Variants in CPEB3 observed in about 807,000 individuals in gnomAD.
The protein encoded by CPEB3 is cytoplasmic polyadenylation element-binding protein 3.
A neutral mutation model predicts 67.2 loss-of-function variants in CPEB3; 20 were observed. The ratio of observed to expected loss-of-function variants is 0.30; its 90% CI spans 0.21 to 0.43. The LOEUF (loss-of-function observed/expected upper bound fraction) is 0.43. CPEB3 is among the 20% of genes least tolerant of loss of function. The pLI is 1.00. For missense variants in CPEB3, 746 were observed against 968.6 expected (o/e 0.77, Z 3.05); for synonymous variants, 376 against 393.1 (o/e 0.96, Z 0.51).
At chr10:92,223,366 T>C (rs951231468) in intron 2 of CPEB3, among the ~76,000 whole-genome samples, 1 of 152,142 alleles carries the variant, frequency 6.6e-6, no homozygotes, top group Admixed American at 6.6e-5. Context: ...CTTTCCTTTC[T>C]AAAATTCCTC....
chr10:92,067,914 G>C (rs1266910374), intron 9 of CPEB3, among the ~76,000 whole-genome samples: 6 of 152,188 alleles, frequency 3.9e-5, no homozygotes, highest in Non-Finnish European at 5.9e-5. Context: ...CAAACCCACA[G>C]TTATTAATTT....
Position 92,240,056 on chromosome 10 carries a change from G to C in CPEB3, c.295C>G (p.Pro99Ala), listed in dbSNP as rs374878960. 6.3e-7 allele frequency: 1 copy of C among 1,594,914 alleles called. No individual in the cohort carries two copies. The highest frequency in any genetic ancestry group is 8.5e-7 in the Non-Finnish European group (1 of 1,170,816). ...AAGGACGGCGACAGCGACGCGCCCG[G>C]TGCCGCGGGCTCCTGAGGCGGCGGC... ...QPPPPQEPAA[P>A]GASLSPSFGS... is the part of the protein sequence containing the mutation. The change falls in exon 2 of 10, where the codon CCG (proline) becomes GCG (alanine). Residue 99 changes from proline to alanine, a missense_variant. Coordinates refer to ENST00000265997, the MANE Select transcript of CPEB3 (RefSeq NM_014912.5).
intron 2 of CPEB3, among the ~76,000 whole-genome samples, chr10:92,215,314 A>T (rs1202659512): frequency 2.7e-5 from 4 of 149,664 alleles, no homozygotes; most frequent in Non-Finnish European, 5.9e-5. Flanking sequence ...CACTACACCC[A>T]GCTAATTTTT....
chr10:92,079,300 C>A (rs745812153), intron 9 of CPEB3, among the ~76,000 whole-genome samples: 1 of 152,128 alleles, frequency 6.6e-6, no homozygotes, highest in Admixed American at 6.5e-5. Context: ...ATGACTAAAT[C>A]GAGCAATGGG....
At chr10:92,235,267 G>A (rs905473078) in intron 2 of CPEB3, among the ~76,000 whole-genome samples, 3 of 152,136 alleles carry the variant, frequency 2.0e-5, no homozygotes, top group South Asian at 4.1e-4. Context: ...CTAATAGGGC[G>A]AAATTCCATC....
At chr10:92,095,601 T>TA (rs1491405800) in intron 7 of CPEB3, among the ~76,000 whole-genome samples, 18,082 of 87,128 alleles carry the variant, frequency 0.21, 1,355 homozygotes, top group Middle Eastern at 0.28. Context: ...TATATATATA[T>TA]TTTTTTTTTT....
At chr10:92,205,930 A>G (rs1849765398) in intron 2 of CPEB3, among the ~76,000 whole-genome samples, 1 of 152,210 alleles carries the variant, frequency 6.6e-6, no homozygotes, top group Non-Finnish European at 1.5e-5. Flanking sequence ...ATGTTAATAA[A>G]GCATCTAAAA....
intron 4 of CPEB3, among the ~76,000 whole-genome samples, chr10:92,177,521 G>T (rs1848275724): frequency 6.6e-6 from 1 of 152,138 alleles, no homozygotes; most frequent in African/African-American, 2.4e-5. Context: ...TAGATTCATG[G>T]TCTTGAACAG....
At chr10:92,207,331 A>C (rs1405461418) in intron 2 of CPEB3, among the ~76,000 whole-genome samples, 1 of 152,154 alleles carries the variant, frequency 6.6e-6, no homozygotes, top group Non-Finnish European at 1.5e-5. Flanking sequence ...GCTGAGTAGA[A>C]AGATAAGATA....
chr10:92,258,193 G>A (rs541341276), intron 1 of CPEB3, among the ~76,000 whole-genome samples: 21 of 149,636 alleles, frequency 1.4e-4, no homozygotes, highest in Admixed American at 5.4e-4. Context: ...TCCACCTCCC[G>A]GGTTCATGCA....
chr10:92,262,118 C>A (rs758448058), intron 1 of CPEB3, among the ~76,000 whole-genome samples: 1 of 152,114 alleles, frequency 6.6e-6, no homozygotes, highest in Non-Finnish European at 1.5e-5. Flanking sequence ...TAGATATATG[C>A]ACCAAATGTC....
intron 6 of CPEB3, among the ~76,000 whole-genome samples, chr10:92,128,219 A>G (rs1845687644): frequency 6.6e-6 from 1 of 152,254 alleles, no homozygotes; most frequent in South Asian, 2.1e-4. Flanking sequence ...TACTTCTAAT[A>G]ACCCTTCAGA....
At chr10:92,133,261 T>C (rs1845928443) in intron 6 of CPEB3, among the ~76,000 whole-genome samples, 1 of 152,062 alleles carries the variant, frequency 6.6e-6, no homozygotes. Flanking sequence ...ACAAAATTGA[T>C]AGACTGCTAG....
At chr10:92,278,774 T>C (rs1389010597) in intron 1 of CPEB3, among the ~76,000 whole-genome samples, 1 of 151,954 alleles carries the variant, frequency 6.6e-6, no homozygotes, top group Non-Finnish European at 1.5e-5. Flanking sequence ...CTAATTTTTA[T>C]ATTTTTAGTA....
chr10:92,111,625 A>G (rs1344970902), intron 6 of CPEB3, among the ~76,000 whole-genome samples: 2 of 152,244 alleles, frequency 1.3e-5, no homozygotes, highest in East Asian at 3.9e-4. Context: ...GTCCAGAACC[A>G]GCAAATCTAT....
At chr10:92,282,200 C>A (rs901691068) in intron 1 of CPEB3, among the ~76,000 whole-genome samples, 3 of 152,106 alleles carry the variant, frequency 2.0e-5, no homozygotes, top group African/African-American at 7.2e-5. Flanking sequence ...GGGTCTCCCA[C>A]CATATTTATA....
At chr10:92,175,837 C>T (rs1220101436) in intron 4 of CPEB3, among the ~76,000 whole-genome samples, 1 of 151,322 alleles carries the variant, frequency 6.6e-6, no homozygotes, top group Non-Finnish European at 1.5e-5. Flanking sequence ...CAGCTGTAAT[C>T]CTAGCACTTT....
intron 4 of CPEB3, among the ~76,000 whole-genome samples, chr10:92,172,581 G>T (rs1848054433): frequency 6.6e-6 from 1 of 152,202 alleles, no homozygotes; most frequent in Non-Finnish European, 1.5e-5. Context: ...TAATCTGTGT[G>T]TCTAAACCTT....
chr10:92,236,823 C>T (rs1363369998), intron 2 of CPEB3, among the ~76,000 whole-genome samples: 2 of 152,104 alleles, frequency 1.3e-5, no homozygotes, highest in Non-Finnish European at 2.9e-5. Flanking sequence ...TACTCAAAAT[C>T]TATTGTGTTG....
Sources: gnomAD v4.1 joint callset for allele counts (sites outside exome capture counted in the v4.1 genomes callset) on GRCh38, gnomAD v4.1.1 for gene constraint, MANE v1.5 for transcripts, NCBI Gene and HGNC (gene_info 2026-07-23, HGNC 2026-07-21) for gene names.